The following SPIDR variants were observed in gnomAD, a reference collection of about 807,000 sequenced individuals.
The protein encoded by SPIDR is DNA repair-scaffolding protein.
A neutral mutation model predicts 104.6 loss-of-function variants in SPIDR; 93 were observed. That is an observed-to-expected ratio of 0.89 (90% CI 0.75 to 1.06). The LOEUF (loss-of-function observed/expected upper bound fraction) is 1.06. Ranked by LOEUF, SPIDR falls within the 50% of genes least tolerant of loss-of-function variation. The pLI is 0.00. For missense variants in SPIDR, 1,154 were observed against 1,111.2 expected (o/e 1.04, Z -0.55); for synonymous variants, 431 against 416.9 (o/e 1.03, Z -0.41).
intron 7 of SPIDR, among the ~76,000 whole-genome samples, chr8:47,425,427 A>G (rs1027664657): frequency 1.3e-5 from 2 of 152,128 alleles, no homozygotes; most frequent in Non-Finnish European, 2.9e-5. Context: ...ACAGGTTAGT[A>G]AAGTGCAGGG....
intron 5 of SPIDR, among the ~76,000 whole-genome samples, chr8:47,360,244 CAAAAA>C (rs1186187617): frequency 1.8e-4 from 7 of 38,960 alleles, no homozygotes; most frequent in African/African-American, 2.5e-4. Flanking sequence ...GACTCCATCT[CAAAAA>C]AAAAAAAAAA....
chr8:47,413,355 T>C (rs1302491749), intron 7 of SPIDR, among the ~76,000 whole-genome samples: 1 of 152,250 alleles, frequency 6.6e-6, no homozygotes, highest in Non-Finnish European at 1.5e-5. Context: ...GGTGACTTGC[T>C]CTGATTATCT....
chr8:47,503,571 G>C (rs893058065), intron 8 of SPIDR, among the ~76,000 whole-genome samples: 3 of 152,056 alleles, frequency 2.0e-5, no homozygotes, highest in African/African-American at 7.2e-5. Flanking sequence ...GCACACTGAT[G>C]GGTCTCGACT....
At chr8:47,612,010 C>T (rs1396925157) in intron 10 of SPIDR, among the ~76,000 whole-genome samples, 1 of 152,130 alleles carries the variant, frequency 6.6e-6, no homozygotes, top group Non-Finnish European at 1.5e-5. Context: ...TGGCCTGCCA[C>T]CTGGTTTCCC....
intron 8 of SPIDR, among the ~76,000 whole-genome samples, chr8:47,562,639 G>C (rs1311693025): frequency 6.6e-6 from 1 of 152,220 alleles, no homozygotes; most frequent in Non-Finnish European, 1.5e-5. Context: ...GAAGGCTGAA[G>C]ACTGCGCGCA....
chr8:47,435,138 A>G (rs770128113), intron 7 of SPIDR, among the ~76,000 whole-genome samples: 1 of 151,948 alleles, frequency 6.6e-6, no homozygotes, highest in Non-Finnish European at 1.5e-5. Context: ...AAACTACAGT[A>G]TACTCCACTG....
At chr8:47,565,993 T>TATGTATATATATATATATATA (rs1491137131) in intron 8 of SPIDR, among the ~76,000 whole-genome samples, 1 of 28,830 alleles carries the variant, frequency 3.5e-5, no homozygotes, top group East Asian at 1.4e-3. Flanking sequence ...TATATATATA[T>TATGTATATATATATATATATA]TTTTTTTTTT....
chr8:47,494,147 C>G (rs2079108472), intron 8 of SPIDR, among the ~76,000 whole-genome samples: 1 of 151,962 alleles, frequency 6.6e-6, no homozygotes, highest in South Asian at 2.1e-4. Context: ...TGCCACCATG[C>G]CTGGCTAGTT....
chr8:47,489,157 C>G (rs1198519900), intron 8 of SPIDR, among the ~76,000 whole-genome samples: 36 of 152,218 alleles, frequency 2.4e-4, no homozygotes, highest in African/African-American at 7.5e-4. Flanking sequence ...AGCAAAGTCT[C>G]AAGATACAAA....
At chr8:47,539,192 GAT>G (rs895411335) in intron 8 of SPIDR, among the ~76,000 whole-genome samples, 1 of 152,068 alleles carries the variant, frequency 6.6e-6, no homozygotes, top group Non-Finnish European at 1.5e-5. Flanking sequence ...AATGCTGAGA[GAT>G]GTGATAGATA....
At chr8:47,497,918 T>C (rs994269161) in intron 8 of SPIDR, among the ~76,000 whole-genome samples, 12 of 152,194 alleles carry the variant, frequency 7.9e-5, no homozygotes, top group Non-Finnish European at 1.5e-5. Flanking sequence ...CTGTTCATTA[T>C]GTTAGTTTAA....
chr8:47,670,567 A>G (rs2075659927), intron 10 of SPIDR, among the ~76,000 whole-genome samples: 2 of 151,704 alleles, frequency 1.3e-5, no homozygotes, highest in East Asian at 1.9e-4. Flanking sequence ...TTCTCATTCC[A>G]TTTTTTTTCC....
chr8:47,735,366 G>A lies in SPIDR; in HGVS notation c.2664G>A (p.Gln888=), dbSNP rs893111552. ...KEVGLLNCFV[Q]SVTAHPTSCI... ...TGGGGTTGTTAAATTGTTTTGTCCA[G>A]TCCGTAACCGCCCACCCGACCAGCT... Residue 888 remains glutamine (Q), a synonymous_variant, in exon 20 of 20, where the codon CAG becomes CAA. Transcript: ENST00000297423. 3.9e-5 allele frequency: 63 copies of A among 1,613,826 alleles called. No individual in the cohort carries two copies. Among genetic ancestry groups the A allele is most frequent in the Non-Finnish European group, 5.2e-5 (61 of 1,179,828 alleles).
chr8:47,684,230 A>C (rs2077465410), intron 11 of SPIDR, among the ~76,000 whole-genome samples: 1 of 151,996 alleles, frequency 6.6e-6, no homozygotes, highest in African/African-American at 2.4e-5. Flanking sequence ...ATTTTTTAGA[A>C]GTGTTCTCAA....
At chr8:47,575,837 A>G (rs1466690921) in intron 8 of SPIDR, among the ~76,000 whole-genome samples, 3 of 139,138 alleles carry the variant, frequency 2.2e-5, no homozygotes, top group Admixed American at 7.3e-5. Context: ...GTGCGCACCT[A>G]TAATCCCAGC....
chr8:47,590,152 T>A (rs1339477306), intron 8 of SPIDR, among the ~76,000 whole-genome samples: 1 of 150,332 alleles, frequency 6.7e-6, no homozygotes, highest in Non-Finnish European at 1.5e-5. Flanking sequence ...CCAGCCCAGG[T>A]GACAGAGCAA....
At chr8:47,497,680 A>G (rs931555665) in intron 8 of SPIDR, among the ~76,000 whole-genome samples, 3 of 152,214 alleles carry the variant, frequency 2.0e-5, no homozygotes, top group Admixed American at 6.5e-5. Context: ...TAGCATAACC[A>G]TAGCTTTTAA....
At chr8:47,566,285 C>T (rs556751473) in intron 8 of SPIDR, among the ~76,000 whole-genome samples, 2 of 151,902 alleles carry the variant, frequency 1.3e-5, no homozygotes, top group Non-Finnish European at 2.9e-5. Flanking sequence ...GGATTACAGG[C>T]GTGAGCCACC....
chr8:47,547,578 G>A (rs2089647283), intron 8 of SPIDR, among the ~76,000 whole-genome samples: 1 of 151,398 alleles, frequency 6.6e-6, no homozygotes, highest in African/African-American at 2.4e-5. Flanking sequence ...GATTACAGGT[G>A]CCCACCACCA....
Sources: gnomAD v4.1 joint callset for allele counts (sites outside exome capture counted in the v4.1 genomes callset) on GRCh38, gnomAD v4.1.1 for gene constraint, MANE v1.5 for transcripts, NCBI Gene and HGNC (gene_info 2026-07-23, HGNC 2026-07-21) for gene names.